Variants in ARNT2 observed in about 807,000 individuals in gnomAD.
The protein encoded by ARNT2 is aryl hydrocarbon receptor nuclear translocator 2, also known as ARNT protein 2.
Under a neutral mutation model 91.7 loss-of-function variants are expected in ARNT2, and 36 were observed. That is an observed-to-expected ratio of 0.39 (90% confidence interval 0.30 to 0.52). The LOEUF is 0.52. Ranked by LOEUF, ARNT2 falls within the 20% of genes least tolerant of loss-of-function variation. The probability of loss-of-function intolerance (pLI) is 0.72; values close to 1 mark genes in which losing one functional copy is unlikely to be tolerated. For synonymous variants in ARNT2, 365 were observed against 347.1 expected, an observed-to-expected ratio of 1.05 and a Z score of -0.57; for missense variants, 775 against 939.3, an observed-to-expected ratio of 0.83 and a Z score of 2.29.
intron 6 of ARNT2, among the ~76,000 whole-genome samples, chr15:80,512,200 A>G (rs1897352590): frequency 6.6e-6 from 1 of 152,214 alleles, no homozygotes; most frequent in Non-Finnish European, 1.5e-5. Context: ...TCTCCCTCAG[A>G]TCACCAAGGT....
intron 12 of ARNT2, among the ~76,000 whole-genome samples, chr15:80,568,226 G>A (rs966793733): frequency 6.6e-6 from 1 of 152,142 alleles, no homozygotes; most frequent in Non-Finnish European, 1.5e-5. Context: ...GGCACTGGGG[G>A]GCCAAGACTC....
chr15:80,592,121 C>G (rs889516042), intron 18 of ARNT2, among the ~76,000 whole-genome samples: 6 of 152,292 alleles, frequency 3.9e-5, no homozygotes, highest in Admixed American at 3.3e-4. Context: ...CCACCCAGGC[C>G]CTTGCTCAGT....
chr15:80,541,588 A>G (rs1035941751), intron 8 of ARNT2, among the ~76,000 whole-genome samples: 2 of 152,186 alleles, frequency 1.3e-5, no homozygotes, highest in East Asian at 3.8e-4. Context: ...GGTGTTTCCT[A>G]GGATTTTCTT....
At chr15:80,571,376 G>A (rs1032741198) in intron 12 of ARNT2, among the ~76,000 whole-genome samples, 4 of 152,174 alleles carry the variant, frequency 2.6e-5, no homozygotes, top group African/African-American at 4.8e-5. Flanking sequence ...TGCATCTTTT[G>A]TGTAATCCAA....
At chr15:80,423,220 G>A (rs1270502951) in intron 1 of ARNT2, among the ~76,000 whole-genome samples, 1 of 152,166 alleles carries the variant, frequency 6.6e-6, no homozygotes, top group Non-Finnish European at 1.5e-5. Context: ...AGCACCTAAT[G>A]GCGTCTGTGC....
intron 2 of ARNT2, among the ~76,000 whole-genome samples, chr15:80,454,476 C>T (rs1420667716): frequency 6.6e-6 from 1 of 152,208 alleles, no homozygotes; most frequent in Non-Finnish European, 1.5e-5. Context: ...TTTCAAGTTA[C>T]TTGTAGCCAT....
intron 1 of ARNT2, among the ~76,000 whole-genome samples, chr15:80,446,588 C>T (rs1485509438): frequency 1.3e-5 from 2 of 152,234 alleles, no homozygotes; most frequent in African/African-American, 4.8e-5. Context: ...TGGCCAAACA[C>T]GTAAGAGCCT....
chr15:80,525,389 A>T (rs1471739972), intron 8 of ARNT2, among the ~76,000 whole-genome samples: 1 of 152,222 alleles, frequency 6.6e-6, no homozygotes, highest in African/African-American at 2.4e-5. Flanking sequence ...TTCTTAGCAC[A>T]TATAACACTA....
intron 18 of ARNT2, among the ~76,000 whole-genome samples, chr15:80,592,777 C>G (rs1213273581): frequency 1.3e-5 from 2 of 152,206 alleles, no homozygotes; most frequent in Admixed American, 1.3e-4. Flanking sequence ...CCACAGCAAC[C>G]CTGTAAGGCA....
intron 17 of ARNT2, among the ~76,000 whole-genome samples, chr15:80,585,888 G>T (rs1265702380): frequency 6.6e-6 from 1 of 152,216 alleles, no homozygotes; most frequent in Admixed American, 6.5e-5. Flanking sequence ...GCAGTACCTC[G>T]CTTGTCTCTC....
chr15:80,468,446 T>C lies in ARNT2; in HGVS notation c.195-1772T>C, dbSNP rs138848802. Among the ~76,000 whole-genome samples, 568 of 152,242 alleles carry C rather than the reference T, an allele frequency of 3.7e-3. 1 individual carries two copies. The highest frequency in any genetic ancestry group is 0.013 in the African/African-American group (541 of 41,532). ...CTCGGCCCCTCTACTCCAGGGCCCA[T>C]CTCTACCCTTCCGTCTAGGCCTGCC... is the stretch of plus-strand genomic sequence containing the variant. On this transcript the variant is annotated intron_variant, in intron 3 of 18. Transcript: ENST00000303329.
At chr15:80,453,814 G>C (rs1343216876) in intron 2 of ARNT2, among the ~76,000 whole-genome samples, 1 of 152,182 alleles carries the variant, frequency 6.6e-6, no homozygotes, top group Non-Finnish European at 1.5e-5. Flanking sequence ...GAGGAATGGG[G>C]GTGGTGGAAG....
At chr15:80,483,647 T>C (rs979362648) in intron 5 of ARNT2, among the ~76,000 whole-genome samples, 1 of 152,200 alleles carries the variant, frequency 6.6e-6, no homozygotes, top group African/African-American at 2.4e-5. Flanking sequence ...GCAGGCGGCA[T>C]CCTCCACTGT....
chr15:80,532,656 C>T (rs919100664), intron 8 of ARNT2, among the ~76,000 whole-genome samples: 3 of 152,104 alleles, frequency 2.0e-5, no homozygotes, highest in Admixed American at 1.3e-4. Flanking sequence ...ACTCAGCCAC[C>T]GTCTGTAGCA....
chr15:80,430,631 T>A (rs919790371), intron 1 of ARNT2, among the ~76,000 whole-genome samples: 1 of 152,216 alleles, frequency 6.6e-6, no homozygotes, highest in South Asian at 2.1e-4. Flanking sequence ...CACTCTCCTG[T>A]CTCTGAAGGG....
intron 8 of ARNT2, among the ~76,000 whole-genome samples, chr15:80,515,253 C>T (rs1897413399): frequency 6.6e-6 from 1 of 152,174 alleles, no homozygotes; most frequent in Non-Finnish European, 1.5e-5. Flanking sequence ...CAGCAATTTT[C>T]ACTCCTAAAT....
intron 3 of ARNT2, among the ~76,000 whole-genome samples, chr15:80,469,537 C>T (rs1424567423): frequency 6.6e-6 from 1 of 150,728 alleles, no homozygotes; most frequent in Non-Finnish European, 1.5e-5. Flanking sequence ...TTATATATTA[C>T]ATATTTATAT....
rs1893358323 is a variant in ARNT2 at position 80,595,318 on chromosome 15, C to T, written c.*1620C>T. On this transcript the variant is annotated 3_prime_UTR_variant, in exon 19 of 19. Coordinates refer to ENST00000303329, the MANE Select transcript of ARNT2 (RefSeq NM_014862.4). ...AAGCCCTTGTGTCCCTCCCAGAGTC[C>T]TTCAGGTAGGCCCTCGCAGATGCTG... 6.6e-6 allele frequency: 1 copy of T among 152,292 alleles called. No individual in the cohort carries two copies. Among genetic ancestry groups the T allele is most frequent in the African/African-American group, 2.4e-5 (1 of 41,444 alleles). 9.4% of individuals were successfully genotyped at this position (152,292 alleles called of 1,614,324 possible).
chr15:80,541,463 C>T (rs1050223375), intron 8 of ARNT2, among the ~76,000 whole-genome samples: 21 of 152,130 alleles, frequency 1.4e-4, no homozygotes, highest in Non-Finnish European at 2.8e-4. Flanking sequence ...TTGATAGTTT[C>T]ATTTGCTTTG....
Sources: allele counts gnomAD v4.1 joint callset (sites outside exome capture counted in the v4.1 genomes callset), GRCh38; gene constraint gnomAD v4.1.1; transcripts MANE v1.5; gene names NCBI Gene and HGNC (gene_info 2026-07-23, HGNC 2026-07-21).